Variants in SHISA6 observed in about 807,000 individuals in gnomAD.
SHISA6 encodes the protein protein shisa-6.
Under a neutral mutation model 47.9 loss-of-function variants are expected in SHISA6, and 22 were observed. The ratio of observed to expected loss-of-function variants is 0.46; its 90% CI spans 0.33 to 0.66. The LOEUF is 0.66. SHISA6 is among the 30% of genes least tolerant of loss of function. SHISA6 has a pLI of 0.02. For missense variants in SHISA6, 680 were observed against 764.6 expected (o/e 0.89, Z 1.30); for synonymous variants, 388 against 337.8 (o/e 1.15, Z -1.63).
chr17:11,269,712 TGATA>T (rs1456418263), intron 2 of SHISA6, among the ~76,000 whole-genome samples: 2 of 152,132 alleles, frequency 1.3e-5, no homozygotes, highest in Non-Finnish European at 2.9e-5. Context: ...GAGTCTGAGA[TGATA>T]GCCTCATAAG....
At chr17:11,360,798 TAAA>T (rs367867682) in intron 2 of SHISA6, among the ~76,000 whole-genome samples, 2 of 137,416 alleles carry the variant, frequency 1.5e-5, no homozygotes, top group Non-Finnish European at 3.1e-5. Flanking sequence ...AAAGTAAAAT[TAAA>T]AAAAAAAAAA....
chr17:11,529,621 T>G (rs1365627123), intron 3 of SHISA6, among the ~76,000 whole-genome samples: 1 of 152,216 alleles, frequency 6.6e-6, no homozygotes, highest in Non-Finnish European at 1.5e-5. Flanking sequence ...CAAAAATTGC[T>G]TTGTGAATTA....
intron 3 of SHISA6, among the ~76,000 whole-genome samples, chr17:11,497,219 A>G (rs941573274): frequency 1.3e-5 from 2 of 152,186 alleles, no homozygotes; most frequent in African/African-American, 2.4e-5. Flanking sequence ...ACCTGCAATC[A>G]TGGGGGACCA....
At chr17:11,355,281 G>C (rs8072999) in intron 2 of SHISA6, among the ~76,000 whole-genome samples, 5,338 of 152,214 alleles carry the variant, frequency 0.035, 282 homozygotes, top group African/African-American at 0.11. Context: ...AACTGAAGTC[G>C]TATTCCGAAA....
chr17:11,389,084 G>A (rs1311962019), intron 3 of SHISA6, among the ~76,000 whole-genome samples: 1 of 151,958 alleles, frequency 6.6e-6, no homozygotes, highest in Non-Finnish European at 1.5e-5. Context: ...TTGATATGAG[G>A]AGCAGGAGAG....
At chr17:11,332,243 GA>G (rs145476135) in intron 2 of SHISA6, among the ~76,000 whole-genome samples, 89,862 of 149,596 alleles carry the variant, frequency 0.6, 28,583 homozygotes, top group South Asian at 0.77. Flanking sequence ...CAGCGTTGGG[GA>G]AAAAAAAAAA....
At chr17:11,535,003 C>T (rs1301637957) in intron 3 of SHISA6, among the ~76,000 whole-genome samples, 3 of 152,104 alleles carry the variant, frequency 2.0e-5, no homozygotes, top group Non-Finnish European at 4.4e-5. Flanking sequence ...TGGCAGGCAC[C>T]TGTAACCCCA....
At chr17:11,433,845 G>C (rs1914860269) in intron 3 of SHISA6, among the ~76,000 whole-genome samples, 1 of 152,034 alleles carries the variant, frequency 6.6e-6, no homozygotes, top group African/African-American at 2.4e-5. Flanking sequence ...CCCCAGGAGA[G>C]CATCCTAGGG....
chr17:11,412,592 A>C (rs1258783559), intron 3 of SHISA6, among the ~76,000 whole-genome samples: 1 of 151,052 alleles, frequency 6.6e-6, no homozygotes, highest in Non-Finnish European at 1.5e-5. Flanking sequence ...CTCAGGCTGG[A>C]GTGCAGTGGC....
At chr17:11,253,213 C>T (rs560326910) in intron 1 of SHISA6, among the ~76,000 whole-genome samples, 1 of 152,126 alleles carries the variant, frequency 6.6e-6, no homozygotes, top group Non-Finnish European at 1.5e-5. Context: ...CCTCTCTGTC[C>T]GACTTGCCTT....
chr17:11,254,542 G>A (rs1597423425), intron 1 of SHISA6, among the ~76,000 whole-genome samples: 1 of 152,190 alleles, frequency 6.6e-6, no homozygotes, highest in Non-Finnish European at 1.5e-5. Flanking sequence ...AGGCATTTTA[G>A]TGACTCTCTC....
chr17:11,388,812 A>ATG (rs1913286204), intron 3 of SHISA6, among the ~76,000 whole-genome samples: 1 of 96,670 alleles, frequency 1.0e-5, no homozygotes, highest in African/African-American at 4.3e-5. Flanking sequence ...ATATATATAT[A>ATG]TATATATATA....
chr17:11,382,936 T>G (rs1041560678), intron 3 of SHISA6, among the ~76,000 whole-genome samples: 3,607 of 130,980 alleles, frequency 0.028, 156 homozygotes, highest in African/African-American at 0.089. Flanking sequence ...GCCTTTTTTT[T>G]TTTTTTTTTT....
At chr17:11,266,514 A>G (rs920654448) in intron 2 of SHISA6, among the ~76,000 whole-genome samples, 1 of 152,176 alleles carries the variant, frequency 6.6e-6, no homozygotes, top group Non-Finnish European at 1.5e-5. Flanking sequence ...GTCTCTTACT[A>G]TGTATGTGAT....
In SHISA6 at chr17:11,551,942, C is replaced by T. The variant is rs1408522200; in HGVS notation, c.942C>T (p.Ile314=). The T allele has an allele frequency of 5.8e-6, 9 of 1,551,542 alleles. No homozygotes were observed. The highest frequency in any genetic ancestry group is 2.0e-5 in the Admixed American group (1 of 50,980). Residue 314 remains isoleucine (I), a synonymous_variant, in exon 4 of 6, where the codon ATC becomes ATT. Coordinates refer to ENST00000441885, the MANE Select transcript of SHISA6 (RefSeq NM_207386.4). ...CGATTTTGAGCAGTGTTACCCAGAT[C>T]CCGCCACATGGTGAGAGATGATTGA... The part of the protein sequence containing the change: ...NHPILSSVTQ[I]PPHEKPRMNN...
chr17:11,388,790 TTATATATATATATATATATA>T (rs56048344), intron 3 of SHISA6, among the ~76,000 whole-genome samples: 1,040 of 50,018 alleles, frequency 0.021, 37 homozygotes, highest in African/African-American at 0.031. Context: ...AAACAAAAGT[TTATATATATATATATATATA>T]TATATATATA....
intron 3 of SHISA6, among the ~76,000 whole-genome samples, chr17:11,459,218 CAAAA>C (rs200165239): frequency 1.1e-5 from 1 of 90,744 alleles, no homozygotes; most frequent in African/African-American, 4.0e-5. Context: ...GACTCCATCT[CAAAA>C]AAAAAAAAAA....
chr17:11,383,834 A>G (rs1913110564), intron 3 of SHISA6, among the ~76,000 whole-genome samples: 1 of 152,174 alleles, frequency 6.6e-6, no homozygotes, highest in South Asian at 2.1e-4. Flanking sequence ...CCATGAGTTT[A>G]GGCCAAGTTC....
At chr17:11,523,032 C>T (rs1016677309) in intron 3 of SHISA6, among the ~76,000 whole-genome samples, 3 of 152,132 alleles carry the variant, frequency 2.0e-5, no homozygotes, top group Non-Finnish European at 2.9e-5. Context: ...CTTTTGCCAA[C>T]GTTTATGCCC....
Sources: gnomAD v4.1 joint callset for allele counts (sites outside exome capture counted in the v4.1 genomes callset) on GRCh38, gnomAD v4.1.1 for gene constraint, MANE v1.5 for transcripts, NCBI Gene and HGNC (gene_info 2026-07-23, HGNC 2026-07-21) for gene names.